The following GNAO1 variants were observed in gnomAD, a reference collection of about 807,000 sequenced individuals.
GNAO1 encodes G protein subunit alpha o1.
For synonymous variants in GNAO1, 164 were observed against 180.7 expected (o/e 0.91, Z 0.74); for missense variants, 166 against 478.7 (o/e 0.35, Z 6.10).
intron 6 of GNAO1, chr16:56,347,567 G>T: frequency 1.0e-6 from 1 of 985,612 alleles, no homozygotes; most frequent in Non-Finnish European, 1.2e-6. Flanking sequence ...CAGGCTGGGG[G>T]AAAAGCAGAA....
chr16:56,344,437 G>A, intron 6 of GNAO1: 1 of 1,003,772 alleles, frequency 1.0e-6, no homozygotes, highest in Non-Finnish European at 1.2e-6. Context: ...GCCAGGGTGG[G>A]ATCAGGCCAA....
intron 2 of GNAO1, among the ~76,000 whole-genome samples, chr16:56,197,857 T>G (rs1375471395): frequency 6.6e-6 from 1 of 152,128 alleles, no homozygotes; most frequent in African/African-American, 2.4e-5. Context: ...CACTGGAGAT[T>G]TAATATGAGT....
At chr16:56,208,002 C>T (rs1392527331) in intron 2 of GNAO1, among the ~76,000 whole-genome samples, 4 of 152,134 alleles carry the variant, frequency 2.6e-5, no homozygotes, top group Non-Finnish European at 5.9e-5. Flanking sequence ...CCTTAACTTT[C>T]GTGGTAAGTT....
At position 56,354,822 on chromosome 16, in the gene GNAO1, G is replaced by A. The variant is rs766556720; in HGVS notation, c.878-44G>A. 2 of 1,266,508 alleles carry A rather than the reference G, an allele frequency of 1.6e-6. No individual in the cohort carries two copies. Among genetic ancestry groups the A allele is most frequent in the South Asian group, 1.2e-5 (1 of 81,176 alleles). The allele number at this position is 1,266,508 out of a possible 1,614,324, so 78.5% of individuals were successfully genotyped here. A position where few individuals can be genotyped will look rare whatever the true frequency, so the allele number is the denominator to read the frequency against. ...ATGTCCCCAGCCCTGTCCACCCACA[G>A]CGCTCATCAGGGCCTCTCCCCGTTC... On this transcript the variant is annotated intron_variant, in intron 7 of 8. Transcript: ENST00000262493. This position sits in a 1 kb window ranked among gnomAD's most constrained non-coding sequence, Gnocchi z 4.3.
intron 2 of GNAO1, among the ~76,000 whole-genome samples, chr16:56,219,232 C>T (rs1187571289): frequency 6.6e-6 from 1 of 152,206 alleles, no homozygotes; most frequent in African/African-American, 2.4e-5. Context: ...GAAACCACCA[C>T]ATTGGGTTTA....
chr16:56,226,085 G>A (rs1457668160), intron 2 of GNAO1, among the ~76,000 whole-genome samples: 1 of 151,998 alleles, frequency 6.6e-6, no homozygotes, highest in African/African-American at 2.4e-5. Context: ...GAGATGATCT[G>A]ACTTCTACTT....
rs1314347563 is a variant in GNAO1 at position 56,356,538 on chromosome 16, G to A, written c.*464G>A. On this transcript the variant is annotated 3_prime_UTR_variant, in exon 9 of 9. Transcript: ENST00000262493. The stretch of plus-strand genomic sequence containing the variant: ...AGGCCGGGCTTTCCAGAAGGCCACA[G>A]GCCACTGCAAACCCTGCTGCCTGCC... The A allele has an allele frequency of 6.6e-6, 1 of 152,618 alleles. No homozygotes were observed. The highest frequency in any genetic ancestry group is 1.5e-5 in the Non-Finnish European group (1 of 68,148). 9.5% of individuals were successfully genotyped at this position (152,618 alleles called of 1,614,324 possible). A position where few individuals can be genotyped will look rare whatever the true frequency, so the allele number is the denominator to read the frequency against.
intron 2 of GNAO1, among the ~76,000 whole-genome samples, chr16:56,274,821 T>C (rs1293522127): frequency 6.6e-6 from 1 of 152,202 alleles, no homozygotes; most frequent in Non-Finnish European, 1.5e-5. Context: ...ATTGAAATGT[T>C]CTAAAATTAG....
At chr16:56,219,775 A>G (rs1458391265) in intron 2 of GNAO1, among the ~76,000 whole-genome samples, 3 of 151,774 alleles carry the variant, frequency 2.0e-5, no homozygotes, top group African/African-American at 7.3e-5. Context: ...GAAGCCTGAA[A>G]CCCCCGGCCT....
chr16:56,271,713 A>G (rs1208520640), intron 2 of GNAO1, among the ~76,000 whole-genome samples: 2 of 152,222 alleles, frequency 1.3e-5, no homozygotes, highest in African/African-American at 4.8e-5. Flanking sequence ...TCAGCCTCCG[A>G]AAGTGCTGGG....
At chr16:56,231,356 G>A (rs1398686463) in intron 2 of GNAO1, among the ~76,000 whole-genome samples, 1 of 152,174 alleles carries the variant, frequency 6.6e-6, no homozygotes, top group Non-Finnish European at 1.5e-5. Context: ...ATGACACCCT[G>A]TCTTAAATAG....
At chr16:56,236,390 C>T (rs767962505) in intron 2 of GNAO1, among the ~76,000 whole-genome samples, 1 of 152,122 alleles carries the variant, frequency 6.6e-6, no homozygotes, top group Non-Finnish European at 1.5e-5. Flanking sequence ...CAGTTTGAAT[C>T]CATAGAATTG....
chr16:56,342,746 G>A (rs916832788), intron 6 of GNAO1, among the ~76,000 whole-genome samples: 1 of 152,216 alleles, frequency 6.6e-6, no homozygotes, highest in Non-Finnish European at 1.5e-5. Flanking sequence ...ATCGACCAGG[G>A]CTACCTGCAT....
At chr16:56,219,536 T>A (rs2036465469) in intron 2 of GNAO1, among the ~76,000 whole-genome samples, 1 of 152,188 alleles carries the variant, frequency 6.6e-6, no homozygotes, top group Non-Finnish European at 1.5e-5. Context: ...GTTTTTTTTC[T>A]TTGGTATCGG....
chr16:56,198,222 A>C (rs1279532588), intron 2 of GNAO1, among the ~76,000 whole-genome samples: 1 of 152,256 alleles, frequency 6.6e-6, no homozygotes, highest in African/African-American at 2.4e-5. Flanking sequence ...TCACTTTCTT[A>C]CTGATTGCAT....
chr16:56,299,492 C>T (rs952863707), intron 3 of GNAO1, among the ~76,000 whole-genome samples: 12 of 152,322 alleles, frequency 7.9e-5, no homozygotes, highest in African/African-American at 1.2e-4. Context: ...TCACCCTTGC[C>T]CCAGCCCCAC....
chr16:56,298,003 T>C (rs990957952), intron 3 of GNAO1, among the ~76,000 whole-genome samples: 2 of 151,802 alleles, frequency 1.3e-5, no homozygotes, highest in Non-Finnish European at 2.9e-5. Flanking sequence ...ACCCTGTCTC[T>C]ACAAAATAAA....
chr16:56,334,971 G>A lies in GNAO1; in HGVS notation c.593+114G>A, dbSNP rs8058076. 1.7e-3 allele frequency: 1,934 copies of A among 1,127,782 alleles called. 23 individuals are homozygous for A. The African/African-American group carries it at 0.027, about 16-fold the overall frequency. 69.9% of individuals were successfully genotyped at this position (1,127,782 alleles called of 1,614,324 possible). On this transcript the variant is annotated intron_variant, in intron 5 of 8. Transcript: ENST00000262493. The stretch of plus-strand genomic sequence containing the variant: ...CATCATCCTGCCCCAGGGAACCTGC[G>A]GGCTGGGGCAGGCAGCTAGATACTA...
At chr16:56,291,149 G>A (rs2037228754) in intron 3 of GNAO1, among the ~76,000 whole-genome samples, 1 of 152,154 alleles carries the variant, frequency 6.6e-6, no homozygotes, top group Non-Finnish European at 1.5e-5. Flanking sequence ...AAAACTGATG[G>A]TTCATAAGGT....
Sources: gnomAD v4.1 joint callset for allele counts (sites outside exome capture counted in the v4.1 genomes callset) on GRCh38, gnomAD v4.1.1 for gene constraint, Gnocchi (gnomAD v3.1) non-coding constraint, MANE v1.5 for transcripts, NCBI Gene and HGNC (gene_info 2026-07-23, HGNC 2026-07-21) for gene names.